Variants in TMEM71 observed in about 807,000 individuals in gnomAD.
The protein encoded by TMEM71 is transmembrane protein 71.
Under a neutral mutation model 38.0 loss-of-function variants are expected in TMEM71, and 44 were observed. The ratio of observed to expected loss-of-function variants is 1.16; its 90% CI spans 0.91 to 1.49. The LOEUF (loss-of-function observed/expected upper bound fraction) is 1.49, where lower values mean the gene tolerates loss of function less well. TMEM71 is among the 40% of genes most tolerant of loss of function. The pLI is 0.00. For synonymous variants in TMEM71, 133 were observed against 122.5 expected, an observed-to-expected ratio of 1.09 and a Z score of -0.56; for missense variants, 367 against 348.6, an observed-to-expected ratio of 1.05 and a Z score of -0.42.
At chr8:132,750,949 A>G (rs550353634) in intron 4 of TMEM71, among the ~76,000 whole-genome samples, 4 of 152,232 alleles carry the variant, frequency 2.6e-5, no homozygotes, top group Admixed American at 6.5e-5. Flanking sequence ...TTACTGTTTC[A>G]TCATTGCTAT....
At chr8:132,755,386 C>G (rs1386489947) in intron 3 of TMEM71, among the ~76,000 whole-genome samples, 2 of 152,184 alleles carry the variant, frequency 1.3e-5, no homozygotes, top group African/African-American at 2.4e-5. Flanking sequence ...TCATTCTGCT[C>G]TAATAAATTT....
chr8:132,724,918 T>A (rs1269343560), intron 6 of TMEM71, among the ~76,000 whole-genome samples: 1 of 152,220 alleles, frequency 6.6e-6, no homozygotes. Flanking sequence ...ACTGGCCTCT[T>A]GTCATTAGCC....
At chr8:132,770,008 G>C in the TMEM71 span, among the ~76,000 whole-genome samples, 1 of 152,152 alleles carries the variant, frequency 6.6e-6, no homozygotes, top group South Asian at 2.1e-4. Flanking sequence ...TCACCATTTG[G>C]TGACTGTCAA....
Position 132,746,983 on chromosome 8 carries a change from T to C in TMEM71, c.446A>G (p.Lys149Arg), listed in dbSNP as rs1278976487. 2 of 1,613,044 alleles carry C rather than the reference T, an allele frequency of 1.2e-6. No homozygotes were observed. Among genetic ancestry groups the C allele is most frequent in the South Asian group, 2.2e-5 (2 of 90,886 alleles). ...GTCTGTGTCCAACCTCCTGGTCCCC[T>C]TCAACCAGTTGTCTTCACTTGGAGA... Reference protein sequence around the residue: ...NSSPSEDNWLKGTRRLDTDHC... With the variant: ...NSSPSEDNWLRGTRRLDTDHC... Residue 149 changes from lysine (K) to arginine (R), a missense_variant, in exon 5 of 10, where the codon AAG becomes AGG. Lys to Arg is a conservative substitution (Grantham distance 26, BLOSUM62 2). Transcript: ENST00000677595.
At position 132,752,290 on chromosome 8, in the gene TMEM71, T is replaced by C. The variant is rs148291985; in HGVS notation, c.102-293A>G. ...ACCTACGTTTGATGTTAGTCTATTG[T>C]ATTTTTTTGGATGGGATGGTGGAAG... On this transcript the variant is annotated intron_variant, in intron 3 of 9. Transcript: ENST00000677595. 1.5e-3 allele frequency among the ~76,000 whole-genome samples: 224 copies of C among 152,344 alleles called. 1 individual carries two copies. The highest frequency in any genetic ancestry group is 0.01 in the Middle Eastern group (3 of 294).
chr8:132,763,810 C>A (rs753041646), upstream of TMEM71, among the ~76,000 whole-genome samples: 1 of 152,194 alleles, frequency 6.6e-6, no homozygotes, highest in African/African-American at 2.4e-5. Context: ...CATATCAGCT[C>A]CCACGTAAAG....
chr8:132,713,854 C>T, intron 9 of TMEM71, 141 bp downstream of exon 9: 1 of 728,782 alleles, frequency 1.4e-6, no homozygotes. Flanking sequence ...TAAATTTTAG[C>T]AGTAACAGAA....
chr8:132,762,314 C>T (rs561429109), upstream of TMEM71, among the ~76,000 whole-genome samples: 41 of 152,296 alleles, frequency 2.7e-4, no homozygotes, highest in African/African-American at 9.6e-4. Context: ...TTCTCTTCTT[C>T]TCCTTTTCCT....
At chr8:132,763,173 C>T (rs988812817), upstream of TMEM71, among the ~76,000 whole-genome samples, 2 of 152,212 alleles carry the variant, frequency 1.3e-5, no homozygotes, top group African/African-American at 4.8e-5. Context: ...CTCCACACCA[C>T]TCCCTAGTCT....
rs754838778 is a variant in TMEM71, at chr8:132,748,609, T to C, written c.315-1495A>G. On this transcript the variant is annotated intron_variant, in intron 4 of 9. Coordinates refer to ENST00000677595, the MANE Select transcript of TMEM71 (RefSeq NM_001382403.1). Reference sequence around the variant, plus strand: ...AAAATGAACCAAATTTTAAAGATTCTTGTAGGCTCTAAGATGAGATCAATT... The same window carrying C: ...AAAATGAACCAAATTTTAAAGATTCCTGTAGGCTCTAAGATGAGATCAATT... Among the ~76,000 whole-genome samples the C allele has an allele frequency of 5.3e-5, 8 of 152,346 alleles. 1 individual carries two copies. The highest frequency in any genetic ancestry group is 2.0e-4 in the Admixed American group (3 of 15,308).
At chr8:132,749,991 C>T (rs1249215589) in intron 4 of TMEM71, among the ~76,000 whole-genome samples, 25 of 121,846 alleles carry the variant, frequency 2.1e-4, no homozygotes, top group African/African-American at 6.1e-4. Flanking sequence ...TCCAGCCTGG[C>T]GAAAGAGCGA....
chr8:132,744,457 T>G (rs1343802008), intron 5 of TMEM71, among the ~76,000 whole-genome samples: 1 of 152,008 alleles, frequency 6.6e-6, no homozygotes, highest in South Asian at 2.1e-4. Context: ...ATAATATAAC[T>G]GGGAATACCT....
At chr8:132,769,847 T>G in the TMEM71 span, among the ~76,000 whole-genome samples, 1 of 152,208 alleles carries the variant, frequency 6.6e-6, no homozygotes, top group Non-Finnish European at 1.5e-5. Context: ...ATTAAGTGAT[T>G]AAACAAATAA....
At chr8:132,739,941 C>T (rs978055363) in intron 5 of TMEM71, among the ~76,000 whole-genome samples, 1 of 152,194 alleles carries the variant, frequency 6.6e-6, no homozygotes, top group African/African-American at 2.4e-5. Flanking sequence ...TTATCTCCCA[C>T]CTGAATCACA....
At chr8:132,716,140 A>G (rs1206739809) in intron 7 of TMEM71, among the ~76,000 whole-genome samples, 1 of 151,940 alleles carries the variant, frequency 6.6e-6, no homozygotes, top group Non-Finnish European at 1.5e-5. Flanking sequence ...GCATCCCTGC[A>G]CTCTTGGGGG....
intron 6 of TMEM71, among the ~76,000 whole-genome samples, chr8:132,726,750 G>C (rs182425908): frequency 6.6e-6 from 1 of 152,174 alleles, no homozygotes; most frequent in East Asian, 1.9e-4. Context: ...TTACAGCTTT[G>C]CTCCTGCCAG....
chr8:132,752,046 G>C (rs1301033877), intron 3 of TMEM71, 49 bp from the exon 4 acceptor site: 1 of 1,478,050 alleles, frequency 6.8e-7, no homozygotes, highest in Non-Finnish European at 9.4e-7. Flanking sequence ...AGTACATCCA[G>C]TCCCAAATAA....
downstream of TMEM71, among the ~76,000 whole-genome samples, chr8:132,708,215 A>G (rs1826122830): frequency 1.3e-5 from 2 of 152,152 alleles, no homozygotes; most frequent in African/African-American, 2.4e-5. Flanking sequence ...ATTGGCAGAG[A>G]GCTGACATCC....
chr8:132,746,462 T>C (rs373097826), intron 5 of TMEM71, among the ~76,000 whole-genome samples: 24 of 16,088 alleles, frequency 1.5e-3, no homozygotes, highest in Middle Eastern at 0.038. Context: ...CATATATATA[T>C]ACATATATAT....
Sources: gnomAD v4.1 joint callset for allele counts (sites outside exome capture counted in the v4.1 genomes callset) on GRCh38, gnomAD v4.1.1 for gene constraint, MANE v1.5 for transcripts, NCBI Gene and HGNC (gene_info 2026-07-23, HGNC 2026-07-21) for gene names.